The following CHST9 variants were observed in gnomAD, a reference collection of about 807,000 sequenced individuals.
CHST9 encodes the protein GalNAc-4-sulfotransferase 2.
Under a neutral mutation model 44.4 loss-of-function variants are expected in CHST9, and 41 were observed. The ratio of observed to expected loss-of-function variants is 0.92; its 90% confidence interval spans 0.72 to 1.20. The LOEUF is 1.20. CHST9 is among the 50% of genes most tolerant of loss of function. CHST9 has a pLI of 0.00. For synonymous variants in CHST9, 171 were observed against 178.4 expected, an observed-to-expected ratio of 0.96 and a Z score of 0.33; for missense variants, 504 against 516.5, an observed-to-expected ratio of 0.98 and a Z score of 0.23.
intron 2 of CHST9, among the ~76,000 whole-genome samples, chr18:27,061,341 T>C (rs1807601684): frequency 6.6e-6 from 1 of 152,200 alleles, no homozygotes; most frequent in Admixed American, 6.5e-5. Context: ...AAAATAATAT[T>C]CAATGCTAAA....
chr18:27,000,974 A>T (rs999372356), intron 4 of CHST9, among the ~76,000 whole-genome samples: 1 of 152,186 alleles, frequency 6.6e-6, no homozygotes, highest in Non-Finnish European at 1.5e-5. Flanking sequence ...TCCCTAGTAG[A>T]TGATCTTGCA....
intron 3 of CHST9, among the ~76,000 whole-genome samples, chr18:27,044,850 C>G (rs1187157921): frequency 6.6e-6 from 1 of 151,752 alleles, no homozygotes; most frequent in African/African-American, 2.4e-5. Context: ...ATCTACTTAA[C>G]TATTTTTTTT....
At chr18:26,986,811 T>G (rs909374368) in intron 4 of CHST9, among the ~76,000 whole-genome samples, 4 of 152,146 alleles carry the variant, frequency 2.6e-5, no homozygotes, top group Non-Finnish European at 5.9e-5. Context: ...AACCTGTCAA[T>G]CTAGAGTTTT....
intron 5 of CHST9, among the ~76,000 whole-genome samples, chr18:26,940,912 G>A (rs995765890): frequency 3.3e-5 from 5 of 152,208 alleles, no homozygotes; most frequent in Non-Finnish European, 5.9e-5. Flanking sequence ...CAAAGGGAGG[G>A]CAGCCATGTG....
intron 1 of CHST9, among the ~76,000 whole-genome samples, chr18:27,154,384 T>G (rs1598762822): frequency 6.6e-6 from 1 of 152,086 alleles, no homozygotes; most frequent in African/African-American, 2.4e-5. Flanking sequence ...GAGGTATGGG[T>G]GGAGACAGAC....
intron 2 of CHST9, among the ~76,000 whole-genome samples, chr18:27,121,868 T>C (rs2058377359): frequency 6.6e-6 from 1 of 152,248 alleles, no homozygotes. Context: ...ATCTATCTAT[T>C]AATGTATTTA....
At chr18:26,993,265 A>G (rs2056846531) in intron 4 of CHST9, among the ~76,000 whole-genome samples, 2 of 152,228 alleles carry the variant, frequency 1.3e-5, no homozygotes, top group South Asian at 4.1e-4. Context: ...CTTCATAGTA[A>G]AAACACTTAG....
At chr18:26,947,551 A>G (rs1225559925) in intron 4 of CHST9, among the ~76,000 whole-genome samples, 1 of 152,224 alleles carries the variant, frequency 6.6e-6, no homozygotes, top group African/African-American at 2.4e-5. Context: ...ACTTAAGTAA[A>G]TTTATAAGAA....
intron 2 of CHST9, among the ~76,000 whole-genome samples, chr18:27,063,073 A>G (rs1179186331): frequency 1.3e-5 from 2 of 152,204 alleles, no homozygotes; most frequent in Non-Finnish European, 2.9e-5. Context: ...AGGCACAGAG[A>G]TGACTAGCAC....
chr18:26,989,753 C>T (rs902323589), intron 4 of CHST9, among the ~76,000 whole-genome samples: 12 of 152,122 alleles, frequency 7.9e-5, no homozygotes, highest in African/African-American at 2.2e-4. Context: ...AGTTTGAGAC[C>T]AGTCTGGCCA....
At chr18:26,921,290 T>G (rs1297705101) in intron 5 of CHST9, among the ~76,000 whole-genome samples, 1 of 152,182 alleles carries the variant, frequency 6.6e-6, no homozygotes, top group Non-Finnish European at 1.5e-5. Context: ...CCAAGCAACT[T>G]TCTAAAGACT....
intron 1 of CHST9, among the ~76,000 whole-genome samples, chr18:27,145,972 T>A (rs1312725995): frequency 6.6e-6 from 1 of 152,192 alleles, no homozygotes; most frequent in African/African-American, 2.4e-5. Flanking sequence ...CAAAATCTAG[T>A]ACTAACAAAG....
At chr18:27,092,411 T>G (rs2058078143) in intron 2 of CHST9, among the ~76,000 whole-genome samples, 1 of 151,936 alleles carries the variant, frequency 6.6e-6, no homozygotes, top group African/African-American at 2.4e-5. Context: ...GATTCATTGT[T>G]TTTTTTTGAA....
At chr18:26,976,667 G>A (rs763922027) in intron 4 of CHST9, among the ~76,000 whole-genome samples, 5 of 152,112 alleles carry the variant, frequency 3.3e-5, no homozygotes, top group Non-Finnish European at 5.9e-5. Context: ...CTTCTCTACC[G>A]TGGATGGGAA....
intron 4 of CHST9, among the ~76,000 whole-genome samples, chr18:26,974,029 A>C (rs2056586583): frequency 6.6e-6 from 1 of 152,198 alleles, no homozygotes; most frequent in Admixed American, 6.5e-5. Flanking sequence ...GATGTTTTTA[A>C]TCAAGCCACC....
At chr18:27,046,208 T>C (rs1166617064) in intron 3 of CHST9, among the ~76,000 whole-genome samples, 1 of 152,048 alleles carries the variant, frequency 6.6e-6, no homozygotes, top group Non-Finnish European at 1.5e-5. Context: ...CGTTTCCTTG[T>C]TAGGAAGTTA....
intron 4 of CHST9, among the ~76,000 whole-genome samples, chr18:26,961,811 A>G (rs1334872933): frequency 6.6e-6 from 1 of 152,228 alleles, no homozygotes; most frequent in Non-Finnish European, 1.5e-5. Flanking sequence ...TGGATAAGAA[A>G]CATGGGTGAG....
intron 2 of CHST9, among the ~76,000 whole-genome samples, chr18:27,106,846 A>G (rs910203710): frequency 1.3e-5 from 2 of 152,206 alleles, no homozygotes; most frequent in Non-Finnish European, 2.9e-5. Flanking sequence ...TTTCCATAAA[A>G]TAACCTTTTT....
chr18:27,114,785 T>C (rs2058305634), intron 2 of CHST9, among the ~76,000 whole-genome samples: 1 of 152,220 alleles, frequency 6.6e-6, no homozygotes. Flanking sequence ...CAGTACTTTT[T>C]TATGGCTGAA....
Sources: gnomAD v4.1 joint callset for allele counts (sites outside exome capture counted in the v4.1 genomes callset) on GRCh38, gnomAD v4.1.1 for gene constraint, MANE v1.5 for transcripts, NCBI Gene and HGNC (gene_info 2026-07-23, HGNC 2026-07-21) for gene names.